The following PRKG1 variants were observed in gnomAD, a reference collection of about 807,000 sequenced individuals.
The protein encoded by PRKG1 is protein kinase cGMP-dependent 1, also known as cGMP-dependent protein kinase 1.
Under a neutral mutation model 88.1 loss-of-function variants are expected in PRKG1, and 35 were observed. The ratio of observed to expected loss-of-function variants is 0.40; its 90% confidence interval spans 0.30 to 0.53. The LOEUF is 0.53. PRKG1 is among the 20% of genes least tolerant of loss of function. The pLI, the probability that PRKG1 is intolerant of heterozygous loss-of-function variation, is 0.59. For missense variants in PRKG1, 540 were observed against 839.8 expected (o/e 0.64, Z 4.41); for synonymous variants, 303 against 292.5 (o/e 1.04, Z -0.37).
Position 51,153,224 on chromosome 10 carries a change from G to T in PRKG1, c.372G>T (p.Leu124=). 1 of 1,612,604 alleles carries T rather than the reference G, an allele frequency of 6.2e-7. No individual in the cohort carries two copies. ...ATGACTTTATGAAGAACTTGGAGCT[G>T]TCGCAGATCCAGGAGATTGTGGATT... ...LDNDFMKNLE[L]SQIQEIVDCM... The change falls in exon 2 of 18, where the codon CTG becomes CTT. Residue 124 remains leucine, a synonymous_variant. Transcript: ENST00000373980.
intron 5 of PRKG1, among the ~76,000 whole-genome samples, chr10:51,961,317 T>G (rs529320185): frequency 1.8e-4 from 28 of 152,172 alleles, no homozygotes; most frequent in Admixed American, 1.6e-3. Context: ...ATCCCAGGAA[T>G]ACTGTTTTTG....
chr10:51,990,195 T>C (rs747835616), intron 5 of PRKG1, among the ~76,000 whole-genome samples: 5 of 152,178 alleles, frequency 3.3e-5, no homozygotes, highest in Admixed American at 6.6e-5. Context: ...ATCTTATATC[T>C]GTTTTTATGC....
chr10:51,367,072 C>T (rs1032099965), intron 2 of PRKG1, among the ~76,000 whole-genome samples: 1 of 151,852 alleles, frequency 6.6e-6, no homozygotes, highest in Non-Finnish European at 1.5e-5. Flanking sequence ...AGGGATTACC[C>T]ATTTGTTTTA....
At chr10:51,341,950 G>C (rs1842012313) in intron 2 of PRKG1, among the ~76,000 whole-genome samples, 1 of 152,216 alleles carries the variant, frequency 6.6e-6, no homozygotes, top group Non-Finnish European at 1.5e-5. Flanking sequence ...CATGAGGACA[G>C]TATGGGGAAA....
At chr10:50,995,451 C>A (rs1245779220) in intron 1 of PRKG1, among the ~76,000 whole-genome samples, 1 of 152,164 alleles carries the variant, frequency 6.6e-6, no homozygotes, top group Non-Finnish European at 1.5e-5. Flanking sequence ...ATTTTTAGAT[C>A]CCTTAAGAAA....
chr10:51,099,318 T>C (rs1351512765), intron 1 of PRKG1, among the ~76,000 whole-genome samples: 1 of 151,894 alleles, frequency 6.6e-6, no homozygotes, highest in Non-Finnish European at 1.5e-5. Flanking sequence ...AAGCACCCAT[T>C]TTATAATTTG....
At chr10:52,254,589 T>A (rs1170810995) in intron 10 of PRKG1, among the ~76,000 whole-genome samples, 1 of 152,004 alleles carries the variant, frequency 6.6e-6, no homozygotes, top group African/African-American at 2.4e-5. Flanking sequence ...CATTTCCTGT[T>A]AGAGTGAAGT....
intron 3 of PRKG1, among the ~76,000 whole-genome samples, chr10:51,618,186 G>A (rs1839112627): frequency 6.6e-6 from 1 of 152,170 alleles, no homozygotes; most frequent in African/African-American, 2.4e-5. Context: ...GAAACTTGGA[G>A]GCTGTAGAAA....
chr10:51,370,678 TAAA>T (rs1255172679), intron 2 of PRKG1, among the ~76,000 whole-genome samples: 2 of 151,944 alleles, frequency 1.3e-5, no homozygotes, highest in Admixed American at 1.3e-4. Context: ...AAAATAAATC[TAAA>T]AAAAGGTAAA....
intron 2 of PRKG1, among the ~76,000 whole-genome samples, chr10:51,206,194 G>T (rs1031658267): frequency 6.6e-6 from 1 of 152,034 alleles, no homozygotes; most frequent in African/African-American, 2.4e-5. Context: ...TGCCTGTCAA[G>T]AATGGAGCCA....
chr10:51,552,313 A>G (rs1444923112), intron 3 of PRKG1, among the ~76,000 whole-genome samples: 4 of 151,660 alleles, frequency 2.6e-5, no homozygotes, highest in Non-Finnish European at 5.9e-5. Context: ...TTTAGTATAC[A>G]TTTAGCAAGT....
chr10:51,590,118 A>G (rs779735646), intron 3 of PRKG1, among the ~76,000 whole-genome samples: 4 of 152,282 alleles, frequency 2.6e-5, no homozygotes, highest in Admixed American at 1.3e-4. Flanking sequence ...CTCTTCAATG[A>G]TGGTCAGACC....
chr10:51,948,972 A>G (rs2339899), intron 5 of PRKG1, among the ~76,000 whole-genome samples: 32,814 of 152,116 alleles, frequency 0.22, 3,732 homozygotes, highest in East Asian at 0.3. Context: ...CCAATTATAT[A>G]ATAATAAGAC....
chr10:51,712,628 C>T (rs1165515597), intron 3 of PRKG1, among the ~76,000 whole-genome samples: 5 of 125,560 alleles, frequency 4.0e-5, no homozygotes, highest in Non-Finnish European at 4.7e-5. Flanking sequence ...CTCGCTCAGT[C>T]GCCCAGGCTG....
At chr10:51,801,328 T>C (rs1298508496) in intron 3 of PRKG1, among the ~76,000 whole-genome samples, 1 of 152,122 alleles carries the variant, frequency 6.6e-6, no homozygotes, top group Non-Finnish European at 1.5e-5. Flanking sequence ...TTTCATACAA[T>C]TCTCATGTGT....
chr10:51,130,369 A>T (rs1845534145), intron 1 of PRKG1, among the ~76,000 whole-genome samples: 1 of 152,142 alleles, frequency 6.6e-6, no homozygotes, highest in South Asian at 2.1e-4. Context: ...GTGCCTCCAT[A>T]TGTCTCTGTA....
intron 2 of PRKG1, among the ~76,000 whole-genome samples, chr10:51,373,587 C>T (rs754997066): frequency 3.9e-5 from 6 of 152,094 alleles, no homozygotes; most frequent in East Asian, 1.9e-4. Flanking sequence ...CGATGCTCTC[C>T]GCCACCCCCT....
intron 5 of PRKG1, among the ~76,000 whole-genome samples, chr10:51,976,374 A>G (rs1001716185): frequency 3.3e-5 from 5 of 151,882 alleles, no homozygotes; most frequent in African/African-American, 1.2e-4. Context: ...TGATTAACGG[A>G]AAAACAAAAT....
intron 10 of PRKG1, among the ~76,000 whole-genome samples, chr10:52,266,784 C>CAAAAAAAA (rs796522217): frequency 6.7e-6 from 1 of 148,732 alleles, no homozygotes; most frequent in East Asian, 2.0e-4. Flanking sequence ...AGCAAAAAAA[C>CAAAAAAAA]AAAAAAAAAG....
Sources: gnomAD v4.1 joint callset for allele counts (sites outside exome capture counted in the v4.1 genomes callset) on GRCh38, gnomAD v4.1.1 for gene constraint, MANE v1.5 for transcripts, NCBI Gene and HGNC (gene_info 2026-07-23, HGNC 2026-07-21) for gene names.